The following IGF1R variants were observed in gnomAD, a reference collection of about 807,000 sequenced individuals.
IGF1R encodes the protein insulin-like growth factor 1 receptor.
IGF1R carries 44 observed loss-of-function variants against 144.6 expected under a neutral mutation model. The observed-to-expected ratio is 0.30, with a 90% CI of 0.24 to 0.39. IGF1R has a LOEUF of 0.39. IGF1R is among the 10% of genes least tolerant of loss of function. The probability of loss-of-function intolerance (pLI) is 1.00; values close to 1 mark genes in which losing one functional copy is unlikely to be tolerated. For missense variants in IGF1R, 1,355 were observed against 1,833.7 expected, an observed-to-expected ratio of 0.74 and a Z score of 4.77; for synonymous variants, 795 against 722.8, an observed-to-expected ratio of 1.10 and a Z score of -1.60.
At chr15:98,855,106 T>C (rs2011730571) in intron 2 of IGF1R, among the ~76,000 whole-genome samples, 1 of 152,270 alleles carries the variant, frequency 6.6e-6, no homozygotes, top group South Asian at 2.1e-4. Context: ...CCTTCCGCGC[T>C]AATGGGACAC....
chr15:98,800,081 G>C (rs1444164518), intron 2 of IGF1R, among the ~76,000 whole-genome samples: 1 of 152,126 alleles, frequency 6.6e-6, no homozygotes, highest in African/African-American at 2.4e-5. Flanking sequence ...TAAAAAGTTT[G>C]GTAGCCTCTC....
chr15:98,652,768 G>A (rs2052400597), intron 1 of IGF1R, among the ~76,000 whole-genome samples: 1 of 152,178 alleles, frequency 6.6e-6, no homozygotes, highest in Non-Finnish European at 1.5e-5. Context: ...CGGATGGAAT[G>A]GGGAGTGACT....
At chr15:98,705,627 C>A (rs998134595) in intron 1 of IGF1R, among the ~76,000 whole-genome samples, 1 of 152,150 alleles carries the variant, frequency 6.6e-6, no homozygotes, top group Non-Finnish European at 1.5e-5. Context: ...CACTCCTCAG[C>A]CCTTGGGTCC....
intron 2 of IGF1R, among the ~76,000 whole-genome samples, chr15:98,833,378 G>GC (rs1343884250): frequency 6.6e-6 from 1 of 152,178 alleles, no homozygotes; most frequent in Non-Finnish European, 1.5e-5. Flanking sequence ...GAGCGGGTTT[G>GC]CAGGTAGACA....
chr15:98,941,073 G>A (rs906841813), intron 18 of IGF1R, among the ~76,000 whole-genome samples: 1 of 152,228 alleles, frequency 6.6e-6, no homozygotes, highest in Non-Finnish European at 1.5e-5. Context: ...CCCAGTGCAG[G>A]GGGGAGCCAG....
intron 2 of IGF1R, among the ~76,000 whole-genome samples, chr15:98,795,005 G>A (rs1002353148): frequency 1.3e-5 from 2 of 152,194 alleles, no homozygotes; most frequent in African/African-American, 4.8e-5. Context: ...GGACCAGAAG[G>A]CACGGATGTT....
chr15:98,693,640 T>G (rs12591120), intron 1 of IGF1R, among the ~76,000 whole-genome samples: 2 of 151,912 alleles, frequency 1.3e-5, no homozygotes, highest in African/African-American at 4.8e-5. Flanking sequence ...GAGTTTTGCT[T>G]TGTCACCCAG....
intron 2 of IGF1R, among the ~76,000 whole-genome samples, chr15:98,824,650 C>T (rs1190551995): frequency 6.6e-6 from 1 of 152,200 alleles, no homozygotes; most frequent in Non-Finnish European, 1.5e-5. Context: ...TTGTCTCCCA[C>T]CCCACTGCTG....
intron 1 of IGF1R, among the ~76,000 whole-genome samples, chr15:98,703,190 C>T (rs1284587310): frequency 6.6e-6 from 1 of 152,004 alleles, no homozygotes; most frequent in Non-Finnish European, 1.5e-5. Context: ...TCTCACATTC[C>T]AAAAGTTTTT....
intron 5 of IGF1R, among the ~76,000 whole-genome samples, chr15:98,908,412 A>G (rs1336738991): frequency 5.9e-5 from 9 of 152,234 alleles, no homozygotes; most frequent in Admixed American, 2.6e-4. Context: ...TTCTAGTAAC[A>G]TCCTCTGGTA....
chr15:98,949,914 A>AG (rs1392903394), intron 20 of IGF1R, among the ~76,000 whole-genome samples: 2 of 151,986 alleles, frequency 1.3e-5, no homozygotes, highest in African/African-American at 4.8e-5. Context: ...GAGTTTGAGG[A>AG]GGGGGTGAAG....
intron 2 of IGF1R, among the ~76,000 whole-genome samples, chr15:98,806,916 G>A (rs1211535931): frequency 6.6e-6 from 1 of 152,110 alleles, no homozygotes; most frequent in Non-Finnish European, 1.5e-5. Context: ...ATCCCAGCAC[G>A]TTGGGAGGCC....
intron 13 of IGF1R, 22 bp from the exon 14 acceptor site, chr15:98,929,536 C>T (rs1356222299): frequency 3.8e-6 from 6 of 1,572,392 alleles, no homozygotes; most frequent in Non-Finnish European, 4.4e-6. Flanking sequence ...GATATTTTAT[C>T]ATTTCCTCCT....
intron 2 of IGF1R, among the ~76,000 whole-genome samples, chr15:98,817,252 A>C (rs560120313): frequency 2.6e-4 from 39 of 152,002 alleles, no homozygotes; most frequent in Non-Finnish European, 4.6e-4. Flanking sequence ...CAGTGAGTGG[A>C]GATCATGCCA....
At chr15:98,721,430 TA>T (rs1157673741) in intron 2 of IGF1R, among the ~76,000 whole-genome samples, 3 of 152,344 alleles carry the variant, frequency 2.0e-5, no homozygotes, top group Admixed American at 2.0e-4. Flanking sequence ...AGATACTCTG[TA>T]AAAATCCATC....
intron 2 of IGF1R, among the ~76,000 whole-genome samples, chr15:98,867,982 C>T (rs2012544150): frequency 1.3e-5 from 2 of 152,186 alleles, no homozygotes; most frequent in Admixed American, 1.3e-4. Context: ...GGGCAGATCG[C>T]TTGAGGTCGG....
intron 1 of IGF1R, among the ~76,000 whole-genome samples, chr15:98,701,432 G>T (rs1056508218): frequency 7.1e-6 from 1 of 140,976 alleles, no homozygotes. Context: ...CGCCTCCCGG[G>T]TTCATGCCAT....
At chr15:98,725,331 CAAAA>C (rs903005248) in intron 2 of IGF1R, among the ~76,000 whole-genome samples, 2 of 152,120 alleles carry the variant, frequency 1.3e-5, no homozygotes, top group African/African-American at 4.8e-5. Context: ...CAAAAACACA[CAAAA>C]AAACCATGTC....
intron 9 of IGF1R, 100 bp downstream of exon 9, chr15:98,916,231 A>G: frequency 1.0e-6 from 1 of 987,628 alleles, no homozygotes; most frequent in Admixed American, 2.1e-5. Flanking sequence ...ACAACAGTGT[A>G]GTTCTCCATT....
Sources: allele counts gnomAD v4.1 joint callset (sites outside exome capture counted in the v4.1 genomes callset), GRCh38; gene constraint gnomAD v4.1.1; transcripts MANE v1.5; gene names NCBI Gene and HGNC (gene_info 2026-07-23, HGNC 2026-07-21).